The following TREH variants were observed in gnomAD, a reference collection of about 807,000 sequenced individuals.
TREH encodes the protein trehalase, also known as alpha,alpha-trehalose glucohydrolase.
TREH carries 69 observed loss-of-function variants against 80.5 expected under a neutral mutation model. The ratio of observed to expected loss-of-function variants is 0.86; its 90% CI spans 0.71 to 1.05. The LOEUF (loss-of-function observed/expected upper bound fraction) is 1.05. Among genes scored for constraint, TREH ranks in the 50% least tolerant of loss-of-function variants. The probability of loss-of-function intolerance (pLI) is 0.00; values close to 1 mark genes in which losing one functional copy is unlikely to be tolerated. For synonymous variants in TREH, 309 were observed against 293.5 expected (o/e 1.05, Z -0.54); for missense variants, 716 against 718.8 (o/e 1.00, Z 0.04).
rs1400116761 is a variant in TREH at position 118,659,876 on chromosome 11, T to A, written c.1191A>T (p.Gly397=). 4 of 1,551,936 alleles carry A rather than the reference T, an allele frequency of 2.6e-6. No individual in the cohort carries two copies. The highest frequency in any genetic ancestry group is 4.9e-5 in the East Asian group (2 of 40,976). ...TCTCAAGGTCGTAATCGAACCAGGC[T>A]CCGGTCTGCTCATCCCACAGGACTG... is the stretch of plus-strand genomic sequence containing the variant. ...LNTVLWDEQT[G]AWFDYDLEKK... Residue 397 remains glycine, a synonymous_variant, in exon 11 of 15, where the codon GGA becomes GGT. Transcript: ENST00000264029.
chr11:118,664,409 G>A (rs1409553252), intron 1 of TREH, among the ~76,000 whole-genome samples: 14 of 152,332 alleles, frequency 9.2e-5, no homozygotes, highest in African/African-American at 3.1e-4. Flanking sequence ...CTGACTTATG[G>A]GCAGTAGCCA....
At position 118,658,951 on chromosome 11, in the gene TREH, C is replaced by G. The variant is rs782721212; in HGVS notation, c.1499G>C (p.Arg500Pro). ...VAFQLAQNWI[R>P]TNFDVYSQKS... ...CTGCGAGTAGACATCAAAATTGGTT[C>G]GGATCCAATTCTGAGCCAGCTGGAA... The change falls in exon 13 of 15, where the codon CGA becomes CCA. Residue 500 changes from arginine (R) to proline (P), a missense_variant. Transcript: ENST00000264029. 10 of 1,613,930 alleles carry G rather than the reference C, an allele frequency of 6.2e-6. No homozygotes were observed. Among genetic ancestry groups the G allele is most frequent in the Non-Finnish European group, 8.5e-6 (10 of 1,179,864 alleles).
At chr11:118,667,526 A>G (rs1401678878) in intron 1 of TREH, among the ~76,000 whole-genome samples, 2 of 152,140 alleles carry the variant, frequency 1.3e-5, no homozygotes, top group Non-Finnish European at 2.9e-5. Context: ...TATAGTATTA[A>G]AGCAGTAGAC....
chr11:118,677,971 G>A (rs1246416754), intron 1 of TREH, among the ~76,000 whole-genome samples: 1 of 152,054 alleles, frequency 6.6e-6, no homozygotes, highest in Admixed American at 6.5e-5. Context: ...CAATTGTCAT[G>A]GGCAAGCACT....
At chr11:118,668,037 G>A (rs1555145839) in intron 1 of TREH, among the ~76,000 whole-genome samples, 1 of 151,914 alleles carries the variant, frequency 6.6e-6, no homozygotes, top group Non-Finnish European at 1.5e-5. Flanking sequence ...GCTAATTTTT[G>A]TATTTTAGTA....
At chr11:118,677,711 G>A (rs562313) in intron 1 of TREH, among the ~76,000 whole-genome samples, 52,727 of 151,964 alleles carry the variant, frequency 0.35, 9,445 homozygotes, top group Admixed American at 0.47. Flanking sequence ...GCGACAGAGC[G>A]AGACTCTGTC....
chr11:118,660,413 T>C (rs1555144639), intron 10 of TREH, 126 bp downstream of exon 10: 1 of 961,060 alleles, frequency 1.0e-6, no homozygotes, highest in African/African-American at 1.7e-5. Flanking sequence ...AGGCTTCCAC[T>C]AGGGCGGGGC....
intron 1 of TREH, among the ~76,000 whole-genome samples, chr11:118,669,702 G>A (rs1225635452): frequency 6.6e-6 from 1 of 152,150 alleles, no homozygotes. Context: ...GGCTAGAAAG[G>A]GTAGTGGTAT....
chr11:118,658,356 A>G lies in TREH; in HGVS notation c.1685T>C (p.Phe562Ser). The stretch of plus-strand genomic sequence containing the variant: ...GGCCGCCAGGCAGTGGGGCTCCAGG[A>G]AAGCCAGCTTGGCCCCTGAGGTCAG... ...DRLTSGAKLAFLEPHCLAATL... is the reference protein window; with the variant it reads ...DRLTSGAKLASLEPHCLAATL... The change falls in exon 15 of 15, where the codon TTC (phenylalanine) becomes TCC (serine). Residue 562 changes from phenylalanine to serine, a missense_variant. Transcript: ENST00000264029. The G allele has an allele frequency of 6.2e-7, 1 of 1,604,244 alleles. No individual in the cohort carries two copies.
intron 1 of TREH, among the ~76,000 whole-genome samples, chr11:118,668,145 G>T (rs1949395506): frequency 6.6e-6 from 1 of 152,148 alleles, no homozygotes; most frequent in Non-Finnish European, 1.5e-5. Context: ...GATTACAGGC[G>T]TGAGCCACCG....
chr11:118,674,265 G>A lies in TREH; in HGVS notation c.89+5274C>T, dbSNP rs1037473867. Among the ~76,000 whole-genome samples the A allele has an allele frequency of 2.6e-5, 4 of 152,148 alleles. No homozygotes were observed. Among genetic ancestry groups the A allele is most frequent in the Non-Finnish European group, 5.9e-5 (4 of 68,046 alleles). ...TATCTAGTCCAAAGTCTCAGCACTC[G>A]TGCCAGGAGGTGCTCTAAGACTTTT... is the stretch of plus-strand genomic sequence containing the variant. On this transcript the variant is annotated intron_variant, in intron 1 of 14. Transcript: ENST00000264029. The surrounding 1 kb of genome is among the most constrained non-coding windows in gnomAD (Gnocchi z 4.4).
rs1555144920 is a variant in TREH, at chr11:118,661,349, G to A, written c.734+44C>T. On this transcript the variant is annotated intron_variant, in intron 7 of 14. Coordinates refer to ENST00000264029, the MANE Select transcript of TREH (RefSeq NM_007180.3). This position sits in a 1 kb window ranked among gnomAD's most constrained non-coding sequence, Gnocchi z 4.2. ...CATCCCCAGCCCTGAGAGGTCTGAG[G>A]GATGGGTGGGTCTGCAGAGCAGCAC... The A allele has an allele frequency of 1.9e-6, 3 of 1,613,938 alleles. No homozygotes were observed. Among genetic ancestry groups the A allele is most frequent in the South Asian group, 1.1e-5 (1 of 91,074 alleles).
intron 1 of TREH, among the ~76,000 whole-genome samples, chr11:118,676,596 G>A (rs553693998): frequency 2.0e-4 from 30 of 151,646 alleles, no homozygotes; most frequent in Admixed American, 1.2e-3. Context: ...GTGAAACCCC[G>A]TCTCTACTAA....
At chr11:118,678,466 C>A (rs544619175) in intron 1 of TREH, among the ~76,000 whole-genome samples, 7 of 152,108 alleles carry the variant, frequency 4.6e-5, no homozygotes, top group Middle Eastern at 3.4e-3. Context: ...CAAGTTCAAG[C>A]GACTCTCCTG....
At chr11:118,673,089 C>T (rs76570573) in intron 1 of TREH, among the ~76,000 whole-genome samples, 5,068 of 152,254 alleles carry the variant, frequency 0.033, 101 homozygotes, top group Middle Eastern at 0.061. Flanking sequence ...TGTAAGCCAG[C>T]CTTTCATACC....
At position 118,659,825 on chromosome 11, in the gene TREH, G is replaced by T; in HGVS notation, c.1242C>A (p.Tyr414Ter). The change falls in exon 11 of 15, where the codon TAC (tyrosine) becomes TAA (stop). Residue 414 changes from tyrosine (Y) to a stop codon, truncating the protein, a stop_gained. Coordinates refer to ENST00000264029, the MANE Select transcript of TREH (RefSeq NM_007180.3). LOFTEE classifies it high-confidence loss of function. ...LEKKKKNREFYPSNLTPLWAG... is the reference protein window; with the variant it reads ...LEKKKKNREF ...CCCAGAGTGGAGTGAGGTTGGATGGGTAAAACTCCCGGTTTTTCTTCTTCT... is the reference window on the plus strand; with the variant it reads ...CCCAGAGTGGAGTGAGGTTGGATGGTTAAAACTCCCGGTTTTTCTTCTTCT... 6.4e-7 allele frequency: 1 copy of T among 1,572,804 alleles called. No homozygotes were observed.
intron 12 of TREH, 45 bp from the exon 13 acceptor site, chr11:118,659,062 C>G: frequency 6.3e-7 from 1 of 1,579,820 alleles, no homozygotes; most frequent in Non-Finnish European, 8.7e-7. Flanking sequence ...GTCTCCCATC[C>G]CAGACAGAGC....
Position 118,663,068 on chromosome 11 carries a change from C to T in TREH, c.319G>A (p.Ala107Thr), listed in dbSNP as rs950797819. 1 of 1,613,828 alleles carries T rather than the reference C, an allele frequency of 6.2e-7. No homozygotes were observed. ...KGQELQPWTP[A>T]DWKDSPQFLQ... ...GAGTCATACCTGTCTTTCCAGTCTGCAGGGGTCCAGGGCTGCAGCTCCTGC... is the reference window on the plus strand; with the variant it reads ...GAGTCATACCTGTCTTTCCAGTCTGTAGGGGTCCAGGGCTGCAGCTCCTGC... Residue 107 changes from alanine (A) to threonine (T), a missense_variant, in exon 3 of 15, where the codon GCA becomes ACA. Ala to Thr is a moderately conservative substitution (Grantham distance 58). Coordinates refer to ENST00000264029, the MANE Select transcript of TREH (RefSeq NM_007180.3).
In TREH at chr11:118,660,548, A is replaced by G. The variant is rs373614125; in HGVS notation, c.1093T>C (p.Ser365Pro). The G allele has an allele frequency of 5.6e-6, 9 of 1,604,232 alleles. No individual in the cohort carries two copies. Among genetic ancestry groups the G allele is most frequent in the Non-Finnish European group, 7.7e-6 (9 of 1,174,300 alleles). The change falls in exon 10 of 15, where the codon TCC (serine) becomes CCC (proline). Residue 365 changes from serine to proline, a missense_variant. By Grantham distance (74) the Ser-to-Pro change is moderately conservative. Transcript: ENST00000264029. ...CTACTGGGGTGCTCACCCAGCCTGG[A>G]ATAGAAGTTGCTCATCAGCTCCTCT... is the stretch of plus-strand genomic sequence containing the variant. ...QAEELMSNFY[S>P]RLGNDSQATK...
Sources: gnomAD v4.1 joint callset for allele counts (sites outside exome capture counted in the v4.1 genomes callset) on GRCh38, gnomAD v4.1.1 for gene constraint, Gnocchi (gnomAD v3.1) non-coding constraint, MANE v1.5 for transcripts, NCBI Gene and HGNC (gene_info 2026-07-23, HGNC 2026-07-21) for gene names.